Variants in ASAP1 observed in about 807,000 individuals in gnomAD.
ASAP1 encodes the protein arf-GAP with SH3 domain, ANK repeat and PH domain-containing protein 1.
A neutral mutation model predicts 145.2 loss-of-function variants in ASAP1; 43 were observed. That is an observed-to-expected ratio of 0.30 (90% CI 0.23 to 0.38). The LOEUF is 0.38. Among genes scored for constraint, ASAP1 ranks in the 10% least tolerant of loss-of-function variants. The probability of loss-of-function intolerance (pLI) is 1.00; values close to 1 mark genes in which losing one functional copy is unlikely to be tolerated. For synonymous variants in ASAP1, 546 were observed against 515.5 expected, an observed-to-expected ratio of 1.06 and a Z score of -0.80; for missense variants, 1,018 against 1,355.3, an observed-to-expected ratio of 0.75 and a Z score of 3.91.
At chr8:130,398,181 TG>T (rs1828620202) in intron 2 of ASAP1, among the ~76,000 whole-genome samples, 1 of 152,204 alleles carries the variant, frequency 6.6e-6, no homozygotes, top group South Asian at 2.1e-4. Context: ...AAGTGTGTCA[TG>T]CAAGGAACTT....
rs1391969564 is a variant in ASAP1, at chr8:130,256,738, CTTATATATATATATATATATATATAT to C, written c.187-19770_187-19745del. 5.4e-3 allele frequency among the ~76,000 whole-genome samples: 382 copies of C among 70,818 alleles called. 7 individuals carry two copies. The highest frequency in any genetic ancestry group is 0.02 in the South Asian group (45 of 2,256). The allele number at this position is 70,818 out of a possible 152,430, so 46.5% of individuals were successfully genotyped here. On this transcript the variant is annotated intron_variant, in intron 3 of 29. Coordinates refer to ENST00000518721, the MANE Select transcript of ASAP1 (RefSeq NM_018482.4). ...AATCTTCTTCCTGAATATACACATT[CTTATATATATATATATATATATATAT>C]ATATATATATATATATATCCTTATA...
intron 2 of ASAP1, among the ~76,000 whole-genome samples, chr8:130,376,233 G>C (rs1172455225): frequency 6.6e-6 from 1 of 152,156 alleles, no homozygotes; most frequent in East Asian, 1.9e-4. Flanking sequence ...GGCTGGGCTG[G>C]GTGCTCCACC....
intron 23 of ASAP1, among the ~76,000 whole-genome samples, chr8:130,114,554 C>A (rs2097551764): frequency 6.6e-6 from 1 of 152,106 alleles, no homozygotes; most frequent in Non-Finnish European, 1.5e-5. Flanking sequence ...TTTATACCAG[C>A]ATCCCACAAC....
intron 2 of ASAP1, among the ~76,000 whole-genome samples, chr8:130,374,415 A>C (rs545178168): frequency 6.6e-6 from 1 of 152,250 alleles, no homozygotes; most frequent in African/African-American, 2.4e-5. Flanking sequence ...CACACCTGTA[A>C]TTCCAGCACC....
At chr8:130,165,452 T>C (rs1311933847) in intron 11 of ASAP1, among the ~76,000 whole-genome samples, 1 of 152,206 alleles carries the variant, frequency 6.6e-6, no homozygotes, top group East Asian at 1.9e-4. Context: ...GAGAAATCAT[T>C]CAAAGAGACC....
Position 130,182,171 on chromosome 8 carries a change from G to A in ASAP1, c.531-1291C>T, listed in dbSNP as rs75411646. Reference sequence around the variant, plus strand: ...TGGGTGGGAAGAGAAGAAATATGGAGGGACAGGCATAACTTAATAATAAGC... The same window carrying A: ...TGGGTGGGAAGAGAAGAAATATGGAAGGACAGGCATAACTTAATAATAAGC... On this transcript the variant is annotated intron_variant, in intron 7 of 29. Coordinates refer to ENST00000518721, the MANE Select transcript of ASAP1 (RefSeq NM_018482.4). 7.8e-3 allele frequency among the ~76,000 whole-genome samples: 1,192 copies of A among 152,302 alleles called. 16 individuals carry two copies. Among genetic ancestry groups the A allele is most frequent in the African/African-American group, 0.028 (1,146 of 41,552 alleles).
chr8:130,408,669 T>G (rs1829137518), intron 1 of ASAP1, among the ~76,000 whole-genome samples: 1 of 152,220 alleles, frequency 6.6e-6, no homozygotes, highest in African/African-American at 2.4e-5. Flanking sequence ...TCTGTTTCTC[T>G]GAAGAACCCT....
At chr8:130,434,890 C>T (rs1448223373) in intron 1 of ASAP1, among the ~76,000 whole-genome samples, 1 of 152,130 alleles carries the variant, frequency 6.6e-6, no homozygotes, top group East Asian at 1.9e-4. Context: ...AACAATAGCC[C>T]CTTAGCTCGA....
intron 3 of ASAP1, among the ~76,000 whole-genome samples, chr8:130,262,593 A>G (rs1820003609): frequency 6.6e-6 from 1 of 152,046 alleles, no homozygotes; most frequent in Admixed American, 6.6e-5. Context: ...CTAGCTCCTC[A>G]AATGTCTTTA....
chr8:130,379,354 G>A (rs1049473585), intron 2 of ASAP1, among the ~76,000 whole-genome samples: 1 of 152,166 alleles, frequency 6.6e-6, no homozygotes, highest in African/African-American at 2.4e-5. Context: ...GAGATCAAGC[G>A]TGTTCAGGGT....
chr8:130,284,503 T>G (rs1340934854), intron 3 of ASAP1, among the ~76,000 whole-genome samples: 1 of 151,978 alleles, frequency 6.6e-6, no homozygotes, highest in African/African-American at 2.4e-5. Flanking sequence ...GAAAGTGAGC[T>G]ATGAGGGCTG....
intron 2 of ASAP1, among the ~76,000 whole-genome samples, chr8:130,368,580 G>C (rs1219843731): frequency 6.6e-6 from 1 of 152,132 alleles, no homozygotes; most frequent in African/African-American, 2.4e-5. Flanking sequence ...AGCAATGATG[G>C]GTACTAGAAC....
At chr8:130,398,592 T>C (rs574983053) in intron 2 of ASAP1, among the ~76,000 whole-genome samples, 1 of 152,116 alleles carries the variant, frequency 6.6e-6, no homozygotes, top group Non-Finnish European at 1.5e-5. Context: ...GTAGCAGTAG[T>C]AGTAGAAGTA....
intron 3 of ASAP1, among the ~76,000 whole-genome samples, chr8:130,242,282 A>AAC (rs1373505203): frequency 7.0e-6 from 1 of 142,142 alleles, no homozygotes; most frequent in Non-Finnish European, 1.6e-5. Flanking sequence ...AAAAAAAAAA[A>AAC]ACAACTTTTT....
At chr8:130,200,833 T>G (rs1815823003) in intron 5 of ASAP1, among the ~76,000 whole-genome samples, 1 of 152,248 alleles carries the variant, frequency 6.6e-6, no homozygotes, top group African/African-American at 2.4e-5. Flanking sequence ...CAACTTGTTC[T>G]TTATTCAGTG....
intron 4 of ASAP1, among the ~76,000 whole-genome samples, chr8:130,229,467 A>C (rs528494831): frequency 6.6e-6 from 1 of 152,346 alleles, no homozygotes; most frequent in Admixed American, 6.5e-5. Flanking sequence ...AGCAAGATAT[A>C]GGTAAAGCCA....
chr8:130,433,082 T>C (rs1830193241), intron 1 of ASAP1, among the ~76,000 whole-genome samples: 1 of 152,178 alleles, frequency 6.6e-6, no homozygotes, highest in Admixed American at 6.5e-5. Context: ...GAAGTAACTG[T>C]CCTACGAGAG....
chr8:130,238,781 G>A (rs1416610196), intron 3 of ASAP1, among the ~76,000 whole-genome samples: 1 of 152,062 alleles, frequency 6.6e-6, no homozygotes, highest in Non-Finnish European at 1.5e-5. Context: ...CAAGGTCACA[G>A]AGCCAGAAAA....
intron 2 of ASAP1, among the ~76,000 whole-genome samples, chr8:130,365,089 A>G (rs1287836633): frequency 2.6e-5 from 4 of 152,210 alleles, no homozygotes; most frequent in African/African-American, 9.7e-5. Flanking sequence ...TGTATCACCT[A>G]CATCCCCCAG....
Sources: allele counts gnomAD v4.1 joint callset (sites outside exome capture counted in the v4.1 genomes callset), GRCh38; gene constraint gnomAD v4.1.1; transcripts MANE v1.5; gene names NCBI Gene and HGNC (gene_info 2026-07-23, HGNC 2026-07-21).